The following ATL3 variants were observed in gnomAD, a reference collection of about 807,000 sequenced individuals.
ATL3 encodes the protein atlastin GTPase 3, also known as atlastin-3.
ATL3 carries 49 observed loss-of-function variants against 69.5 expected under a neutral mutation model. The ratio of observed to expected loss-of-function variants is 0.71; its 90% CI spans 0.56 to 0.89. The LOEUF is 0.89. Ranked by LOEUF, ATL3 falls within the 40% of genes least tolerant of loss-of-function variation. ATL3 has a pLI of 0.00. For missense variants in ATL3, 606 were observed against 645.7 expected (o/e 0.94, Z 0.67); for synonymous variants, 214 against 224.1 (o/e 0.95, Z 0.40).
chr11:63,636,597 G>A (rs180903633), intron 8 of ATL3, among the ~76,000 whole-genome samples: 2 of 152,270 alleles, frequency 1.3e-5, no homozygotes, highest in East Asian at 3.9e-4. Context: ...AAACTAGCCA[G>A]GCGTGGTGGC....
intron 3 of ATL3, among the ~76,000 whole-genome samples, chr11:63,657,833 A>G (rs1197639084): frequency 6.6e-6 from 1 of 152,092 alleles, no homozygotes; most frequent in South Asian, 2.1e-4. Context: ...GGAAAACACA[A>G]TATGAAACTA....
intron 3 of ATL3, among the ~76,000 whole-genome samples, chr11:63,654,145 A>G (rs1296367968): frequency 6.7e-6 from 1 of 149,158 alleles, no homozygotes; most frequent in Non-Finnish European, 1.5e-5. Flanking sequence ...TAAAGATACA[A>G]TTTGTTTTTT....
At chr11:63,634,064 A>C (rs1939426371) in intron 10 of ATL3, among the ~76,000 whole-genome samples, 1 of 149,768 alleles carries the variant, frequency 6.7e-6, no homozygotes, top group East Asian at 2.0e-4. Context: ...AAAAAGGAAA[A>C]AGCCGGGTGT....
chr11:63,662,345 G>A (rs1940448124), intron 1 of ATL3, among the ~76,000 whole-genome samples: 1 of 152,154 alleles, frequency 6.6e-6, no homozygotes, highest in Non-Finnish European at 1.5e-5. Context: ...AAGAGTATGT[G>A]TCACTGGTAT....
At chr11:63,632,877 T>C (rs962752865) in intron 11 of ATL3, 149 bp downstream of exon 11, 33 of 783,358 alleles carry the variant, frequency 4.2e-5, no homozygotes, top group African/African-American at 7.0e-5. Flanking sequence ...TGGTAATAAT[T>C]AGAAGGCCCC....
Position 63,643,416 on chromosome 11 carries a change from A to G in ATL3, c.791T>C (p.Leu264Pro). 6.2e-7 allele frequency: 1 copy of G among 1,611,988 alleles called. No homozygotes were observed. The highest frequency in any genetic ancestry group is 2.2e-5 in the East Asian group (1 of 44,780). ...CACCTGGAGTCCTGGATGTGGTAAGAGAAAGCAGGTGACATCGGAGAAACA... is the reference window on the plus strand; with the variant it reads ...CACCTGGAGTCCTGGATGTGGTAAGGGAAAGCAGGTGACATCGGAGAAACA... ...HSCFSDVTCF[L>P]LPHPGLQVAT... Residue 264 changes from leucine to proline, a missense_variant, in exon 8 of 13, where the codon CTC becomes CCC. Transcript: ENST00000398868.
At position 63,643,495 on chromosome 11, in the gene ATL3, C is replaced by T. The variant is rs745535328; in HGVS notation, c.712G>A (p.Val238Met). 55 of 1,605,730 alleles carry T rather than the reference C, an allele frequency of 3.4e-5. No homozygotes were observed. In the Middle Eastern group the frequency reaches 5.1e-4, roughly 15 times the overall value. ...GMAFLDKRLQ[V>M]KEHQHEEIQN... ...ATTTCTTCATGTTGATGTTCCTTCA[C>T]CTGCCAATGAAGACCAAGAATTTAC... Residue 238 changes from valine (V) to methionine (M), a missense_variant and splice_region_variant, in exon 8 of 13, where the codon GTG (valine) becomes ATG (methionine). Val to Met is a conservative substitution (Grantham distance 21, BLOSUM62 1). Transcript: ENST00000398868.
chr11:63,637,578 G>A (rs946212622), intron 8 of ATL3: 1 of 152,108 alleles, frequency 6.6e-6, no homozygotes, highest in Non-Finnish European at 1.5e-5. Flanking sequence ...TTCCCACAGA[G>A]GGATCAGTAC....
chr11:63,669,681 G>A (rs1334676988), intron 1 of ATL3, among the ~76,000 whole-genome samples: 1 of 151,980 alleles, frequency 6.6e-6, no homozygotes, highest in African/African-American at 2.4e-5. Flanking sequence ...GATGGCTCAC[G>A]CCTGTAATCC....
chr11:63,644,636 T>A (rs1939809161), intron 6 of ATL3, among the ~76,000 whole-genome samples: 1 of 152,078 alleles, frequency 6.6e-6, no homozygotes, highest in Non-Finnish European at 1.5e-5. Context: ...AGCAATCCTG[T>A]GGCCTTGGCC....
At chr11:63,655,308 G>A (rs968129289) in intron 3 of ATL3, among the ~76,000 whole-genome samples, 9 of 151,918 alleles carry the variant, frequency 5.9e-5, no homozygotes, top group Non-Finnish European at 1.0e-4. Context: ...GCGCCACCAC[G>A]CCCAGCTAAT....
chr11:63,671,590 T>C (rs909429388), upstream of ATL3: 1 of 1,419,088 alleles, frequency 7.0e-7, no homozygotes, highest in African/African-American at 1.5e-5. Context: ...CGCGGCAGAA[T>C]CCCGCCACCG....
Position 63,629,099 on chromosome 11 carries a change from AT to A in ATL3, c.*219del. 1 of 546,484 alleles carries A rather than the reference AT, an allele frequency of 1.8e-6. No individual in the cohort carries two copies. The highest frequency in any genetic ancestry group is 3.3e-6 in the Non-Finnish European group (1 of 305,102). The allele number at this position is 546,484 out of a possible 1,614,324, so 33.9% of individuals were successfully genotyped here. A position where few individuals can be genotyped will look rare whatever the true frequency, so the allele number is the denominator to read the frequency against. On this transcript the variant is annotated 3_prime_UTR_variant, in exon 13 of 13. Coordinates refer to ENST00000398868, the MANE Select transcript of ATL3 (RefSeq NM_015459.5). Reference sequence around the variant, plus strand: ...TGAAAATAGACACAGGCTTGCATCTATAACAGCAAGGAAAAGAAATGCTTCC... The same window carrying A: ...TGAAAATAGACACAGGCTTGCATCTAAACAGCAAGGAAAAGAAATGCTTCC...
At chr11:63,664,265 T>A (rs527169) in intron 1 of ATL3, among the ~76,000 whole-genome samples, 20,997 of 152,146 alleles carry the variant, frequency 0.14, 1,567 homozygotes, top group Middle Eastern at 0.17. Flanking sequence ...GAGGCCAGCC[T>A]CGGTGGCCCA....
chr11:63,635,419 A>G (rs1012825553), intron 10 of ATL3, 115 bp downstream of exon 10: 14 of 899,392 alleles, frequency 1.6e-5, no homozygotes, highest in Admixed American at 2.6e-5. Context: ...AACAGACCTC[A>G]GCATGATGAA....
At position 63,659,216 on chromosome 11, in the gene ATL3, T is replaced by C; in HGVS notation, c.83A>G (p.Gln28Arg). 3 of 1,614,150 alleles carry C rather than the reference T, an allele frequency of 1.9e-6. No homozygotes were observed. Among genetic ancestry groups the C allele is most frequent in the Non-Finnish European group, 2.5e-6 (3 of 1,180,018 alleles). ...TTGATCTTTCTGAACCAAAACAACC[T>C]GCACTGGACCAGGCTTGCTGCTCTC... ...AMESSKPGPV[Q>R]VVLVQKDQHS... Residue 28 changes from glutamine (Q) to arginine (R), a missense_variant, in exon 2 of 13, where the codon CAG becomes CGG. Transcript: ENST00000398868.
Position 63,631,197 on chromosome 11 carries a change from G to A in ATL3, c.1382C>T (p.Thr461Ile), listed in dbSNP as rs747719105. The A allele has an allele frequency of 4.3e-6, 7 of 1,614,230 alleles. No individual in the cohort carries two copies. In the Admixed American group the frequency reaches 6.7e-5, roughly 15 times the overall value. ...IVALYIASGL[T>I]GFIGLEVVAQ... ...TACAACCTCAAGACCTATGAAGCCAGTGAGGCCTGAGGCTATGTACAAAGC... is the reference window on the plus strand; with the variant it reads ...TACAACCTCAAGACCTATGAAGCCAATGAGGCCTGAGGCTATGTACAAAGC... Residue 461 changes from threonine (T) to isoleucine (I), a missense_variant, in exon 12 of 13, where the codon ACT becomes ATT. Transcript: ENST00000398868.
At chr11:63,638,348 TAAC>T (rs1939586729) in intron 8 of ATL3, among the ~76,000 whole-genome samples, 1 of 152,168 alleles carries the variant, frequency 6.6e-6, no homozygotes, top group Admixed American at 6.5e-5. Flanking sequence ...AGTAGGAAGA[TAAC>T]AATTTTCTTT....
chr11:63,632,767 T>G, intron 11 of ATL3: 1 of 915,472 alleles, frequency 1.1e-6, no homozygotes, highest in Admixed American at 2.0e-5. Context: ...CCTGCTCATG[T>G]GAATTTATTA....
Sources: gnomAD v4.1 joint callset for allele counts (sites outside exome capture counted in the v4.1 genomes callset) on GRCh38, gnomAD v4.1.1 for gene constraint, MANE v1.5 for transcripts, NCBI Gene and HGNC (gene_info 2026-07-23, HGNC 2026-07-21) for gene names.